TMEM132A: variants seen among roughly 807,000 people sequenced by gnomAD.
TMEM132A encodes the protein GRP78-binding protein.
In TMEM132A, 48 loss-of-function variants were observed where a neutral mutation model predicts 69.9. That is an observed-to-expected ratio of 0.69 (90% CI 0.55 to 0.87). The LOEUF is 0.87. TMEM132A is among the 40% of genes least tolerant of loss of function. TMEM132A has a pLI of 0.00. For missense variants in TMEM132A, 1,287 were observed against 1,407.2 expected, an observed-to-expected ratio of 0.91 and a Z score of 1.37; for synonymous variants, 577 against 613.7, an observed-to-expected ratio of 0.94 and a Z score of 0.88.
chr11:60,934,501 G>A lies in TMEM132A; in HGVS notation c.1573G>A (p.Ala525Thr), dbSNP rs564634397. Reference protein sequence around the residue: ...PGPAEGPAEPAAEASDEAERR... With the variant: ...PGPAEGPAEPTAEASDEAERR... ...CCCGCCCTGCAGGCCTGCGGAACCCGCTGCAGAGGCGTCGGATGAGGCCGA... is the reference window on the plus strand; with the variant it reads ...CCCGCCCTGCAGGCCTGCGGAACCCACTGCAGAGGCGTCGGATGAGGCCGA... Residue 525 changes from alanine to threonine, a missense_variant, in exon 9 of 11, where the codon GCT becomes ACT. By Grantham distance (58) the Ala-to-Thr change is moderately conservative. Transcript: ENST00000453848. 6.4e-6 allele frequency: 9 copies of A among 1,399,830 alleles called. No individual in the cohort carries two copies. In the East Asian group the frequency reaches 2.0e-4, roughly 32 times the overall value. The allele number at this position is 1,399,830 out of a possible 1,614,324, so 86.7% of individuals were successfully genotyped here. A position where few individuals can be genotyped will look rare whatever the true frequency, so the allele number is the denominator to read the frequency against.
chr11:60,927,095 GC>G (rs1856361698), intron 1 of TMEM132A, 108 bp from the exon 2 acceptor site: 1 of 868,770 alleles, frequency 1.2e-6, no homozygotes, highest in African/African-American at 1.6e-5. Context: ...GACATTTACA[GC>G]CCTTTTCTCC....
At chr11:60,929,093 C>T (rs1856420466) in intron 4 of TMEM132A, 133 bp downstream of exon 4, 1 of 886,166 alleles carries the variant, frequency 1.1e-6, no homozygotes. Flanking sequence ...AAACTAAACT[C>T]CTTCCAGGTA....
At position 60,936,388 on chromosome 11, in the gene TMEM132A, C is replaced by G; in HGVS notation, c.2553C>G (p.Tyr851Ter). The change falls in exon 11 of 11, where the codon TAC becomes TAG. Residue 851 changes from tyrosine to a stop codon, truncating the protein, a stop_gained. Transcript: ENST00000453848. LOFTEE classifies it low-confidence loss of function (END_TRUNC). ...TCACTGAGCTAGAGCTGGGCATGTA[C>G]GCCCTGCTGGGAGTCTTCTGCGTGG... ...QHVTELELGM[Y>*]ALLGVFCVAI... 1.2e-6 allele frequency: 2 copies of G among 1,614,150 alleles called. No individual in the cohort carries two copies. The highest frequency in any genetic ancestry group is 2.2e-5 in the South Asian group (2 of 91,092).
At chr11:60,931,914 G>C (rs1298093520) in intron 6 of TMEM132A, 30 bp downstream of exon 6, 1 of 1,614,202 alleles carries the variant, frequency 6.2e-7, no homozygotes, top group Admixed American at 1.7e-5. Context: ...TGCCTGGGAA[G>C]GCTGGAGGCC....
rs764212945 is a variant in TMEM132A, at chr11:60,928,687, C to A, written c.593C>A (p.Ala198Asp). ...LELPSHWFSQ[A>D]STTRAELAYT... ...CTTCCCTCGCACTGGTTCTCACAGG[C>A]CTCCACCACACGGGCCGAGCTGGCC... Residue 198 changes from alanine to aspartate, a missense_variant, in exon 4 of 11, where the codon GCC (alanine) becomes GAC (aspartate). Physicochemically the swap from Ala to Asp is moderately radical, Grantham distance 126. Transcript: ENST00000453848. 1 of 1,610,970 alleles carries A rather than the reference C, an allele frequency of 6.2e-7. No homozygotes were observed. The highest frequency in any genetic ancestry group is 1.3e-5 in the African/African-American group (1 of 74,922).
chr11:60,924,745 G>C lies in TMEM132A; in HGVS notation c.100+12G>C. The C allele has an allele frequency of 6.6e-7, 1 of 1,524,928 alleles. No individual in the cohort carries two copies. Among genetic ancestry groups the C allele is most frequent in the East Asian group, 2.6e-5 (1 of 38,808 alleles). 94.5% of individuals were successfully genotyped at this position (1,524,928 alleles called of 1,614,324 possible). The stretch of plus-strand genomic sequence containing the variant: ...GGACGTCGTGAGAGGTCAGCGGGAG[G>C]GGAGGGCCGGGGCGAGGGGCGGCCG... On this transcript the variant is annotated intron_variant, in intron 1 of 10. Coordinates refer to ENST00000453848, the MANE Select transcript of TMEM132A (RefSeq NM_178031.3).
chr11:60,932,209 G>T, intron 7 of TMEM132A, 82 bp downstream of exon 7: 1 of 1,448,408 alleles, frequency 6.9e-7, no homozygotes, highest in Non-Finnish European at 9.1e-7. Context: ...CCTTCCTCAT[G>T]TGGGTCCCCA....
rs764795345 is a variant in TMEM132A at position 60,930,560 on chromosome 11, C to T, written c.917C>T (p.Pro306Leu). 1 of 1,613,064 alleles carries T rather than the reference C, an allele frequency of 6.2e-7. No homozygotes were observed. Among genetic ancestry groups the T allele is most frequent in the South Asian group, 1.1e-5 (1 of 90,962 alleles). ...GTGACAGCCGCCCGCCCAGCCCAGC[C>T]CACACTCTGGACTGCCAAGCTGGAC... ...LHVTAARPAQ[P>L]TLWTAKLDRF... is the part of the protein sequence containing the mutation. The change falls in exon 5 of 11, where the codon CCC becomes CTC. Residue 306 changes from proline to leucine, a missense_variant. Coordinates refer to ENST00000453848, the MANE Select transcript of TMEM132A (RefSeq NM_178031.3).
In TMEM132A at chr11:60,931,818, G is replaced by A. The variant is rs375810532; in HGVS notation, c.1146G>A (p.Lys382=). Residue 382 remains lysine (K), a synonymous_variant, in exon 6 of 11, where the codon AAG becomes AAA. Coordinates refer to ENST00000453848, the MANE Select transcript of TMEM132A (RefSeq NM_178031.3). The stretch of plus-strand genomic sequence containing the variant: ...CAGGCCAGGCCCCTGAAGCAGAGAA[G>A]GACAAAATGGTGTGGGAAATCCTGG... ...EYPGQAPEAE[K]DKMVWEILVS... 6.2e-7 allele frequency: 1 copy of A among 1,614,246 alleles called. No individual in the cohort carries two copies. Among genetic ancestry groups the A allele is most frequent in the Non-Finnish European group, 8.5e-7 (1 of 1,180,036 alleles).
intron 1 of TMEM132A, 121 bp from the exon 2 acceptor site, chr11:60,927,083 G>C: frequency 5.0e-6 from 4 of 806,640 alleles, no homozygotes; most frequent in Non-Finnish European, 4.3e-6. Flanking sequence ...GAGAGGGGAA[G>C]GGACATTTAC....
chr11:60,931,775 C>T lies in TMEM132A; in HGVS notation c.1103C>T (p.Thr368Met), dbSNP rs761264479. ...GGGVAVTRPV[T>M]WQLEYPGQAP... ...GGCGTAGCGGTCACTCGCCCCGTCA[C>T]GTGGCAGCTGGAGTACCCAGGCCAG... The change falls in exon 6 of 11, where the codon ACG becomes ATG. Residue 368 changes from threonine to methionine, a missense_variant. Transcript: ENST00000453848. 2.9e-5 allele frequency: 47 copies of T among 1,614,070 alleles called. No homozygotes were observed. The highest frequency in any genetic ancestry group is 1.7e-4 in the Admixed American group (10 of 60,008).
chr11:60,930,538 A>G lies in TMEM132A; in HGVS notation c.895A>G (p.Thr299Ala). The change falls in exon 5 of 11, where the codon ACA (threonine) becomes GCA (alanine). Residue 299 changes from threonine (T) to alanine (A), a missense_variant. Coordinates refer to ENST00000453848, the MANE Select transcript of TMEM132A (RefSeq NM_178031.3). ...CAAGGTGAAGAAGGGGCTGCATGTGACAGCCGCCCGCCCAGCCCAGCCCAC... is the reference window on the plus strand; with the variant it reads ...CAAGGTGAAGAAGGGGCTGCATGTGGCAGCCGCCCGCCCAGCCCAGCCCAC... ...RIKVKKGLHV[T>A]AARPAQPTLW... 1 of 1,609,390 alleles carries G rather than the reference A, an allele frequency of 6.2e-7. No individual in the cohort carries two copies. The highest frequency in any genetic ancestry group is 8.5e-7 in the Non-Finnish European group (1 of 1,177,834).
At chr11:60,926,642 C>G (rs1856351809) in intron 1 of TMEM132A, 2 of 173,830 alleles carry the variant, frequency 1.2e-5, no homozygotes. Flanking sequence ...TCAGCACCTT[C>G]CGCGCCCGCC....
rs548849146 is a variant in TMEM132A at position 60,924,603 on chromosome 11, G to T, written c.-31G>T. On this transcript the variant is annotated 5_prime_UTR_variant, in exon 1 of 11. Transcript: ENST00000453848. ...GTGCGGGACTGGGGCCACCTGAGCC[G>T]CCCGCCTCGTCCCCGCCTTCTGTGG... 53 of 1,557,872 alleles carry T rather than the reference G, an allele frequency of 3.4e-5. No homozygotes were observed. In the East Asian group the frequency reaches 1.1e-3, roughly 31 times the overall value.
chr11:60,924,787 A>C lies in TMEM132A; in HGVS notation c.100+54A>C, dbSNP rs1042351572. On this transcript the variant is annotated intron_variant, in intron 1 of 10. Coordinates refer to ENST00000453848, the MANE Select transcript of TMEM132A (RefSeq NM_178031.3). ...GGGCGGCCGGGCCCGGCCGAGTGGG[A>C]GCGAGTGATGCCCGGGAGCCACCAA... 21 of 1,277,808 alleles carry C rather than the reference A, an allele frequency of 1.6e-5. No homozygotes were observed. The African/African-American group carries it at 3.0e-4, about 18-fold the overall frequency. The allele number at this position is 1,277,808 out of a possible 1,614,324, so 79.2% of individuals were successfully genotyped here.
chr11:60,937,002 G>A lies in TMEM132A; in HGVS notation c.*95G>A. On this transcript the variant is annotated 3_prime_UTR_variant, in exon 11 of 11. Coordinates refer to ENST00000453848, the MANE Select transcript of TMEM132A (RefSeq NM_178031.3). ...TGCCCCCGCCACTCGTCTGGTGCTT[G>A]TTGATCCAAGTCCCCTGCCTGGTCC... 7.6e-7 allele frequency: 1 copy of A among 1,308,920 alleles called. No individual in the cohort carries two copies. Among genetic ancestry groups the A allele is most frequent in the Non-Finnish European group, 1.0e-6 (1 of 978,264 alleles). 81.1% of individuals were successfully genotyped at this position (1,308,920 alleles called of 1,614,324 possible). A position where few individuals can be genotyped will look rare whatever the true frequency, so the allele number is the denominator to read the frequency against.
chr11:60,929,373 T>C (rs1480971221), intron 4 of TMEM132A, among the ~76,000 whole-genome samples: 2 of 152,220 alleles, frequency 1.3e-5, no homozygotes, highest in African/African-American at 4.8e-5. Context: ...TGTCCCTCCT[T>C]GCCACCCTCG....
chr11:60,934,664 ACCT>A lies in TMEM132A; in HGVS notation c.1738_1740del (p.Leu580del). 1 of 1,598,486 alleles carries A rather than the reference ACCT, an allele frequency of 6.3e-7. No individual in the cohort carries two copies. The highest frequency in any genetic ancestry group is 8.5e-7 in the Non-Finnish European group (1 of 1,178,782). The stretch of plus-strand genomic sequence containing the variant: ...CCCGACTGGCTGCTAGACGTGTCCC[ACCT>A]CGTGGCGCCACACGCCCGCGTGCTG... On this transcript the variant is annotated inframe_deletion, in exon 9 of 11. Transcript: ENST00000453848.
intron 2 of TMEM132A, 101 bp downstream of exon 2, chr11:60,927,519 C>T: frequency 4.9e-6 from 7 of 1,422,938 alleles, no homozygotes; most frequent in Non-Finnish European, 6.7e-6. Context: ...CTGTGCTCCC[C>T]ATATTCCAGA....
Sources: allele counts gnomAD v4.1 joint callset (sites outside exome capture counted in the v4.1 genomes callset), GRCh38; gene constraint gnomAD v4.1.1; transcripts MANE v1.5; gene names NCBI Gene and HGNC (gene_info 2026-07-23, HGNC 2026-07-21).